SCAPER: variants seen among roughly 807,000 people sequenced by gnomAD.
SCAPER encodes the protein S phase cyclin A-associated protein in the endoplasmic reticulum.
A neutral mutation model predicts 182.2 loss-of-function variants in SCAPER; 98 were observed. That is an observed-to-expected ratio of 0.54 (90% CI 0.46 to 0.64). SCAPER has a LOEUF of 0.64. Among genes scored for constraint, SCAPER ranks in the 30% least tolerant of loss-of-function variants. SCAPER has a pLI of 0.00. For synonymous variants in SCAPER, 605 were observed against 564.6 expected (o/e 1.07, Z -1.01); for missense variants, 1,432 against 1,690.0 (o/e 0.85, Z 2.68).
chr15:76,348,390 A>G lies in SCAPER; in HGVS notation c.*243T>C. On this transcript the variant is annotated 3_prime_UTR_variant, in exon 32 of 32. Transcript: ENST00000563290. ...ACAAATGCAAAGTATATATTATCAT[A>G]AGATGGAAATTACCAAACTCCAAGA... The G allele has an allele frequency of 3.4e-6, 1 of 292,046 alleles. No individual in the cohort carries two copies. The highest frequency in any genetic ancestry group is 6.4e-6 in the Non-Finnish European group (1 of 156,184). 18.1% of individuals were successfully genotyped at this position (292,046 alleles called of 1,614,324 possible). A position where few individuals can be genotyped will look rare whatever the true frequency, so the allele number is the denominator to read the frequency against.
At chr15:76,626,444 C>T (rs557726518) in intron 21 of SCAPER, among the ~76,000 whole-genome samples, 4 of 152,204 alleles carry the variant, frequency 2.6e-5, no homozygotes, top group East Asian at 1.9e-4. Context: ...CAGCCACGTT[C>T]GGTGGCTCAC....
At chr15:76,580,804 T>C (rs899979057) in intron 22 of SCAPER, among the ~76,000 whole-genome samples, 3 of 151,798 alleles carry the variant, frequency 2.0e-5, no homozygotes, top group African/African-American at 4.8e-5. Context: ...AAAGAAATTA[T>C]AAAGATCAGA....
chr15:76,875,962 C>G (rs1197046140), intron 2 of SCAPER, among the ~76,000 whole-genome samples: 1 of 152,206 alleles, frequency 6.6e-6, no homozygotes, highest in African/African-American at 2.4e-5. Flanking sequence ...CTGCAGGTCC[C>G]GAGCCCTGCC....
chr15:76,545,306 G>T (rs1022100806), intron 23 of SCAPER, among the ~76,000 whole-genome samples: 4 of 152,238 alleles, frequency 2.6e-5, no homozygotes, highest in Admixed American at 2.6e-4. Flanking sequence ...ACTGGCACAA[G>T]AAAATATCTC....
intron 20 of SCAPER, among the ~76,000 whole-genome samples, chr15:76,700,925 C>T (rs1005270742): frequency 6.6e-6 from 1 of 151,988 alleles, no homozygotes; most frequent in South Asian, 2.1e-4. Flanking sequence ...CAAAAATTCA[C>T]AGTAGTTAAC....
rs2073727796 is a variant in SCAPER, at chr15:76,884,234, T to C, written c.-59-358A>G. On this transcript the variant is annotated intron_variant, in intron 1 of 31. Transcript: ENST00000563290. Reference sequence around the variant, plus strand: ...ATTAAAAATTTTGTAAAGTAACAGATGTACTCTAATATTTCCTTCTGTATT... The same window carrying C: ...ATTAAAAATTTTGTAAAGTAACAGACGTACTCTAATATTTCCTTCTGTATT... Among the ~76,000 whole-genome samples, 7 of 152,342 alleles carry C rather than the reference T, an allele frequency of 4.6e-5. No individual in the cohort carries two copies. The South Asian group carries it at 1.2e-3, about 27-fold the overall frequency.
chr15:76,905,337 T>C lies in SCAPER; in HGVS notation c.-98A>G. ...GCTTAGTTCGGGGCGGCTCAAAGCG[T>C]CCCGCCGGGAAAGGGGCGTGACGGG... is the stretch of plus-strand genomic sequence containing the variant. On this transcript the variant is annotated 5_prime_UTR_variant, in exon 1 of 32. Transcript: ENST00000563290. 4.3e-6 allele frequency: 1 copy of C among 234,616 alleles called. No homozygotes were observed. The allele number at this position is 234,616 out of a possible 1,614,324, so 14.5% of individuals were successfully genotyped here.
At chr15:76,406,274 T>C (rs995219574) in intron 26 of SCAPER, among the ~76,000 whole-genome samples, 1 of 152,052 alleles carries the variant, frequency 6.6e-6, no homozygotes, top group African/African-American at 2.4e-5. Flanking sequence ...GGTCAGGAGT[T>C]CCAGACCAGC....
At chr15:76,827,049 T>A (rs2068073592) in intron 5 of SCAPER, among the ~76,000 whole-genome samples, 1 of 152,198 alleles carries the variant, frequency 6.6e-6, no homozygotes. Context: ...TTGTAATGTG[T>A]CTAAATCGTA....
intron 1 of SCAPER, among the ~76,000 whole-genome samples, chr15:76,892,807 A>C (rs577303390): frequency 2.6e-4 from 40 of 152,310 alleles, no homozygotes; most frequent in African/African-American, 8.9e-4. Context: ...TTGACCCAGC[A>C]ATCCCATTAC....
rs982683792 is a variant in SCAPER, at chr15:76,786,187, C to T, written c.772+9093G>A. ...ACTAAAGACACAAAAATTAGCTGGG[C>T]GTGGTGGTGCGTGCCTGTTATCCCA... On this transcript the variant is annotated intron_variant, in intron 8 of 31. Coordinates refer to ENST00000563290, the MANE Select transcript of SCAPER (RefSeq NM_020843.4). 1.1e-4 allele frequency among the ~76,000 whole-genome samples: 16 copies of T among 151,780 alleles called. 1 individual carries two copies. Among genetic ancestry groups the T allele is most frequent in the South Asian group, 2.1e-4 (1 of 4,794 alleles).
intron 27 of SCAPER, among the ~76,000 whole-genome samples, chr15:76,382,533 G>T (rs530869973): frequency 1.4e-4 from 22 of 152,090 alleles, no homozygotes; most frequent in African/African-American, 4.8e-4. Flanking sequence ...GCATCTAGAG[G>T]CCAAGAGCAG....
chr15:76,743,443 T>C (rs925868057), intron 15 of SCAPER, among the ~76,000 whole-genome samples: 17 of 152,118 alleles, frequency 1.1e-4, no homozygotes, highest in Admixed American at 9.8e-4. Flanking sequence ...TAAGCTGTTC[T>C]GGCAAGGTTT....
intron 8 of SCAPER, among the ~76,000 whole-genome samples, chr15:76,791,181 G>T (rs1327043822): frequency 6.6e-6 from 1 of 152,154 alleles, no homozygotes; most frequent in Non-Finnish European, 1.5e-5. Flanking sequence ...CCTGAAATTT[G>T]TTAAGACATG....
chr15:76,563,829 C>T (rs1302625677), intron 23 of SCAPER, among the ~76,000 whole-genome samples: 1 of 152,154 alleles, frequency 6.6e-6, no homozygotes, highest in Non-Finnish European at 1.5e-5. Flanking sequence ...AAGTAGGTCT[C>T]ATCTCTGGAA....
At chr15:76,838,735 T>C (rs560677221) in intron 5 of SCAPER, among the ~76,000 whole-genome samples, 10 of 152,258 alleles carry the variant, frequency 6.6e-5, no homozygotes, top group South Asian at 2.1e-4. Context: ...GAAAATAAAA[T>C]GTATTCCCAG....
intron 25 of SCAPER, among the ~76,000 whole-genome samples, chr15:76,466,769 G>T (rs2049696840): frequency 6.7e-6 from 1 of 148,908 alleles, no homozygotes; most frequent in Non-Finnish European, 1.5e-5. Context: ...AAAACTTTGG[G>T]GGGGATACAA....
At chr15:76,425,596 G>A (rs1269533466) in intron 26 of SCAPER, among the ~76,000 whole-genome samples, 2 of 152,140 alleles carry the variant, frequency 1.3e-5, no homozygotes, top group Admixed American at 6.5e-5. Context: ...TTGATTGTCT[G>A]AAGCCTTCTT....
intron 21 of SCAPER, among the ~76,000 whole-genome samples, chr15:76,625,895 A>G (rs1253865239): frequency 6.6e-6 from 1 of 152,066 alleles, no homozygotes; most frequent in Non-Finnish European, 1.5e-5. Context: ...GCTTTAGGTC[A>G]GGGTGTCCAA....
Sources: gnomAD v4.1 joint callset for allele counts (sites outside exome capture counted in the v4.1 genomes callset) on GRCh38, gnomAD v4.1.1 for gene constraint, MANE v1.5 for transcripts, NCBI Gene and HGNC (gene_info 2026-07-23, HGNC 2026-07-21) for gene names.